Variants in PLEKHA7 observed in about 807,000 individuals in gnomAD.
PLEKHA7 encodes pleckstrin homology domain-containing family A member 7.
Under a neutral mutation model 170.0 loss-of-function variants are expected in PLEKHA7, and 104 were observed. That is an observed-to-expected ratio of 0.61 (90% confidence interval 0.52 to 0.72). The LOEUF (loss-of-function observed/expected upper bound fraction) is 0.72, where lower values mean the gene tolerates loss of function less well. PLEKHA7 is among the 30% of genes least tolerant of loss of function. The pLI is 0.00. For missense variants in PLEKHA7, 1,615 were observed against 1,671.7 expected (o/e 0.97, Z 0.59); for synonymous variants, 648 against 660.8 (o/e 0.98, Z 0.30).
intron 3 of PLEKHA7, among the ~76,000 whole-genome samples, chr11:16,929,595 C>T (rs947239779): frequency 5.3e-5 from 8 of 152,228 alleles, no homozygotes; most frequent in Non-Finnish European, 4.4e-5. Context: ...CTGCCTCCCC[C>T]GCTTCTTGGT....
At chr11:16,917,857 C>G (rs939686945) in intron 3 of PLEKHA7, among the ~76,000 whole-genome samples, 2 of 152,230 alleles carry the variant, frequency 1.3e-5, no homozygotes, top group Non-Finnish European at 2.9e-5. Context: ...AGAGGCCATG[C>G]TCCATGTAGT....
chr11:16,888,701 A>G (rs1482500817), intron 3 of PLEKHA7, among the ~76,000 whole-genome samples: 3 of 152,084 alleles, frequency 2.0e-5, no homozygotes, highest in African/African-American at 7.2e-5. Flanking sequence ...CAGGGACACA[A>G]ACACTGCGCA....
chr11:17,008,928 T>C (rs931907443), intron 3 of PLEKHA7, among the ~76,000 whole-genome samples: 2 of 152,198 alleles, frequency 1.3e-5, no homozygotes, highest in African/African-American at 4.8e-5. Flanking sequence ...TCTGCCAAAT[T>C]GTATTTACTA....
chr11:16,815,080 G>A (rs1418948897), intron 12 of PLEKHA7: 1 of 153,072 alleles, frequency 6.5e-6, no homozygotes, highest in African/African-American at 2.4e-5. Context: ...GCGAGAGCCA[G>A]AAAGCACAGA....
rs1220649176 is a variant in PLEKHA7 at position 16,826,199 on chromosome 11, G to T, written c.1264C>A (p.Pro422Thr). ...YQRAFPPRTN[P>T]EKHSQRKSNL... The stretch of plus-strand genomic sequence containing the variant: ...CTCTTCCTTTGGCTGTGTTTTTCAG[G>T]GTTGGTCCTGGGAGGAAAGGCCCGC... The change falls in exon 10 of 27, where the codon CCT (proline) becomes ACT (threonine). Residue 422 changes from proline (P) to threonine (T), a missense_variant. By Grantham distance (38) the Pro-to-Thr change is conservative. Coordinates refer to ENST00000531066, the MANE Select transcript of PLEKHA7 (RefSeq NM_001329630.2). 1 of 1,614,188 alleles carries T rather than the reference G, an allele frequency of 6.2e-7. No homozygotes were observed. The highest frequency in any genetic ancestry group is 1.7e-5 in the Admixed American group (1 of 60,026).
chr11:16,808,868 G>A (rs1452004515), intron 13 of PLEKHA7, among the ~76,000 whole-genome samples: 1 of 152,228 alleles, frequency 6.6e-6, no homozygotes, highest in Non-Finnish European at 1.5e-5. Flanking sequence ...AGTGGGCAAA[G>A]CGTGTGATGC....
intron 3 of PLEKHA7, among the ~76,000 whole-genome samples, chr11:16,963,713 G>C (rs1271483220): frequency 1.3e-5 from 2 of 152,146 alleles, no homozygotes; most frequent in Non-Finnish European, 2.9e-5. Context: ...TGTCCCATTC[G>C]AGTAGCCCTA....
intron 3 of PLEKHA7, among the ~76,000 whole-genome samples, chr11:16,940,570 G>A: frequency 6.6e-6 from 1 of 152,184 alleles, no homozygotes; most frequent in East Asian, 1.9e-4. Flanking sequence ...TTACAGGCGT[G>A]AGCCACTGCA....
chr11:16,970,086 T>G (rs1362446507), intron 3 of PLEKHA7, among the ~76,000 whole-genome samples: 1 of 152,102 alleles, frequency 6.6e-6, no homozygotes, highest in African/African-American at 2.4e-5. Flanking sequence ...GGTGAAAACT[T>G]TTTCTATGTG....
Position 16,851,174 on chromosome 11 carries a change from A to C in PLEKHA7, c.696+17T>G. 6.4e-7 allele frequency: 1 copy of C among 1,553,298 alleles called. No homozygotes were observed. The highest frequency in any genetic ancestry group is 1.4e-5 in the African/African-American group (1 of 73,038). On this transcript the variant is annotated intron_variant, in intron 8 of 26. Transcript: ENST00000531066. ...TTCTTAGACAGAATGGCTGCATTAGAGGTGCAGGGGCAGTACCTTAAAGGA... is the reference window on the plus strand; with the variant it reads ...TTCTTAGACAGAATGGCTGCATTAGCGGTGCAGGGGCAGTACCTTAAAGGA...
chr11:16,854,070 C>T (rs540398682), intron 6 of PLEKHA7, among the ~76,000 whole-genome samples: 17 of 152,334 alleles, frequency 1.1e-4, no homozygotes, highest in South Asian at 2.1e-4. Context: ...GCAGGAACCA[C>T]GTTACTTTCT....
At chr11:16,986,858 T>A (rs953537799) in intron 3 of PLEKHA7, among the ~76,000 whole-genome samples, 1 of 152,118 alleles carries the variant, frequency 6.6e-6, no homozygotes, top group African/African-American at 2.4e-5. Context: ...ATCTTCCTTG[T>A]ACCAGGAAGG....
chr11:16,802,971 C>T lies in PLEKHA7; in HGVS notation c.2157+1G>A. 1 of 1,611,658 alleles carries T rather than the reference C, an allele frequency of 6.2e-7. No individual in the cohort carries two copies. Among genetic ancestry groups the T allele is most frequent in the East Asian group, 2.2e-5 (1 of 44,884 alleles). ...CAAGATTATTCAAAACTGACACGTACTTTGTTCTCTTTAAGGGCTCGTATC... is the reference window on the plus strand; with the variant it reads ...CAAGATTATTCAAAACTGACACGTATTTTGTTCTCTTTAAGGGCTCGTATC... On this transcript the variant is annotated splice_donor_variant, in intron 15 of 26. Transcript: ENST00000531066. LOFTEE classifies it high-confidence loss of function.
In PLEKHA7 at chr11:16,903,361, G is replaced by A. The variant is rs535667080; in HGVS notation, c.222-32179C>T. Reference sequence around the variant, plus strand: ...TGGAATGAATAAATGGGCAAACAGAGCATGTTTGGGATGTTTGCTCAGTTA... The same window carrying A: ...TGGAATGAATAAATGGGCAAACAGAACATGTTTGGGATGTTTGCTCAGTTA... On this transcript the variant is annotated intron_variant, in intron 3 of 26. Transcript: ENST00000531066. Among the ~76,000 whole-genome samples the A allele has an allele frequency of 2.6e-5, 4 of 152,286 alleles. No individual in the cohort carries two copies. In the East Asian group the frequency reaches 5.8e-4, roughly 22 times the overall value.
In PLEKHA7 at chr11:16,824,668, ACTGCAATAG is replaced by A. The variant is rs1172046155; in HGVS notation, c.1343+1443_1343+1451del. ...ATTTCCATTGTCACCCTCCTGGACT[ACTGCAATAG>A]CCTCCTTCCTAGGCTCTTACCTTCT... On this transcript the variant is annotated intron_variant, in intron 10 of 26. Transcript: ENST00000531066. Among the ~76,000 whole-genome samples, 16 of 152,370 alleles carry A rather than the reference ACTGCAATAG, an allele frequency of 1.1e-4. No individual in the cohort carries two copies. In the East Asian group the frequency reaches 2.3e-3, roughly 22 times the overall value.
At chr11:17,009,327 A>G (rs565783912) in intron 3 of PLEKHA7, among the ~76,000 whole-genome samples, 1 of 152,296 alleles carries the variant, frequency 6.6e-6, no homozygotes, top group Admixed American at 6.5e-5. Flanking sequence ...AAGAAAAGAC[A>G]CAAGAAAAAA....
rs894813552 is a variant in PLEKHA7 at position 16,789,458 on chromosome 11, C to T, written c.3157-162G>A. 21 of 683,986 alleles carry T rather than the reference C, an allele frequency of 3.1e-5. No individual in the cohort carries two copies. The highest frequency in any genetic ancestry group is 1.8e-4 in the African/African-American group (10 of 55,836). 42.4% of individuals were successfully genotyped at this position (683,986 alleles called of 1,614,324 possible). Reference sequence around the variant, plus strand: ...AGAGAACTATTTCCTCTAAGCAACACGATGCCCCCAACCCTCAGGAGCTTT... The same window carrying T: ...AGAGAACTATTTCCTCTAAGCAACATGATGCCCCCAACCCTCAGGAGCTTT... On this transcript the variant is annotated intron_variant, in intron 22 of 26. Coordinates refer to ENST00000531066, the MANE Select transcript of PLEKHA7 (RefSeq NM_001329630.2). The surrounding 1 kb of genome is among the most constrained non-coding windows in gnomAD (Gnocchi z 4.6).
At chr11:16,832,726 G>A (rs1851214604) in intron 9 of PLEKHA7, among the ~76,000 whole-genome samples, 2 of 152,136 alleles carry the variant, frequency 1.3e-5, no homozygotes, top group Non-Finnish European at 2.9e-5. Context: ...TAATCCCACT[G>A]GAGGGATCCC....
At chr11:16,941,753 G>C (rs1860707154) in intron 3 of PLEKHA7, among the ~76,000 whole-genome samples, 1 of 152,114 alleles carries the variant, frequency 6.6e-6, no homozygotes, top group Non-Finnish European at 1.5e-5. Context: ...GGGTGAGCTA[G>C]GAATAAAATC....
Sources: allele counts gnomAD v4.1 joint callset (sites outside exome capture counted in the v4.1 genomes callset), GRCh38; gene constraint gnomAD v4.1.1; non-coding constraint Gnocchi (gnomAD v3.1); transcripts MANE v1.5; gene names NCBI Gene and HGNC (gene_info 2026-07-23, HGNC 2026-07-21).